Variants in SLC16A14 observed in about 807,000 individuals in gnomAD.
SLC16A14 encodes the protein solute carrier family 16 member 14.
SLC16A14 carries 14 observed loss-of-function variants against 35.8 expected under a neutral mutation model. That is an observed-to-expected ratio of 0.39 (90% CI 0.26 to 0.61). The LOEUF (loss-of-function observed/expected upper bound fraction) is 0.61, where lower values mean the gene tolerates loss of function less well. Ranked by LOEUF, SLC16A14 falls within the 20% of genes least tolerant of loss-of-function variation. The probability of loss-of-function intolerance (pLI) is 0.51; values close to 1 mark genes in which losing one functional copy is unlikely to be tolerated. For missense variants in SLC16A14, 533 were observed against 655.0 expected (o/e 0.81, Z 2.03); for synonymous variants, 248 against 258.9 (o/e 0.96, Z 0.40).
chr2:230,035,858 C>T lies in SLC16A14; in HGVS notation c.*1522G>A, dbSNP rs1389441137. 1 of 152,320 alleles carries T rather than the reference C, an allele frequency of 6.6e-6. No homozygotes were observed. Among genetic ancestry groups the T allele is most frequent in the African/African-American group, 2.4e-5 (1 of 41,434 alleles). The allele number at this position is 152,320 out of a possible 1,614,324, so 9.4% of individuals were successfully genotyped here. A position where few individuals can be genotyped will look rare whatever the true frequency, so the allele number is the denominator to read the frequency against. On this transcript the variant is annotated 3_prime_UTR_variant, in exon 5 of 5. Transcript: ENST00000295190. ...TAATGGAGATGGAACAAAAAGAGAACTTGTCCATTGAATCACTTGTTAACA... is the reference window on the plus strand; with the variant it reads ...TAATGGAGATGGAACAAAAAGAGAATTTGTCCATTGAATCACTTGTTAACA...
intron 1 of SLC16A14, among the ~76,000 whole-genome samples, chr2:230,063,506 C>A (rs2077767807): frequency 6.6e-6 from 1 of 152,050 alleles, no homozygotes; most frequent in African/African-American, 2.4e-5. Context: ...ACCCTGAAAA[C>A]ATCTTTACTA....
At chr2:230,056,316 G>A (rs1178735700) in intron 2 of SLC16A14, among the ~76,000 whole-genome samples, 1 of 144,334 alleles carries the variant, frequency 6.9e-6, no homozygotes, top group Non-Finnish European at 1.5e-5. Flanking sequence ...GTGCAGTGGC[G>A]CCATCTCGGC....
intron 2 of SLC16A14, chr2:230,058,335 A>G (rs1352054564): frequency 6.6e-6 from 1 of 152,124 alleles, no homozygotes; most frequent in Non-Finnish European, 1.5e-5. Context: ...AAAATGATCA[A>G]TTTTTAAAAT....
chr2:230,045,286 G>T (rs1577386328), intron 4 of SLC16A14, among the ~76,000 whole-genome samples: 4 of 152,330 alleles, frequency 2.6e-5, no homozygotes, highest in Middle Eastern at 3.4e-3. Flanking sequence ...GGCCAGGCGT[G>T]GTGGCTCATG....
intron 2 of SLC16A14, among the ~76,000 whole-genome samples, chr2:230,051,048 G>T (rs1385927387): frequency 6.6e-6 from 1 of 152,230 alleles, no homozygotes; most frequent in Non-Finnish European, 1.5e-5. Context: ...AGGCTATGGA[G>T]ATTCGGGAAT....
intron 2 of SLC16A14, among the ~76,000 whole-genome samples, chr2:230,052,520 A>G (rs980775149): frequency 2.0e-5 from 3 of 152,080 alleles, no homozygotes; most frequent in African/African-American, 7.2e-5. Flanking sequence ...TCAACAGATC[A>G]CAGTTCAGTA....
intron 4 of SLC16A14, among the ~76,000 whole-genome samples, chr2:230,040,548 T>TA (rs2077553209): frequency 6.6e-6 from 1 of 152,086 alleles, no homozygotes; most frequent in Non-Finnish European, 1.5e-5. Flanking sequence ...TTATTTTTTT[T>TA]TAAAAACTGT....
At position 230,046,755 on chromosome 2, in the gene SLC16A14, A is replaced by G; in HGVS notation, c.404-33T>C. The G allele has an allele frequency of 6.4e-7, 1 of 1,561,242 alleles. No individual in the cohort carries two copies. Among genetic ancestry groups the G allele is most frequent in the Non-Finnish European group, 8.6e-7 (1 of 1,159,428 alleles). On this transcript the variant is annotated intron_variant, in intron 3 of 4. Coordinates refer to ENST00000295190, the MANE Select transcript of SLC16A14 (RefSeq NM_152527.5). The surrounding 1 kb of genome is among the most constrained non-coding windows in gnomAD (Gnocchi z 5.0). Reference sequence around the variant, plus strand: ...GGCCGACGGGGGGAAGAAAAGACACAGTGCAACATCAGTGGCCATATCCAG... The same window carrying G: ...GGCCGACGGGGGGAAGAAAAGACACGGTGCAACATCAGTGGCCATATCCAG...
chr2:230,052,600 T>C (rs1410301526), intron 2 of SLC16A14, among the ~76,000 whole-genome samples: 1 of 142,906 alleles, frequency 7.0e-6, no homozygotes, highest in African/African-American at 2.6e-5. Context: ...TTATGAAACA[T>C]TACATTAAAA....
chr2:230,040,688 T>C (rs981112805), intron 4 of SLC16A14, among the ~76,000 whole-genome samples: 1 of 152,154 alleles, frequency 6.6e-6, no homozygotes, highest in African/African-American at 2.4e-5. Context: ...ATAGTGCAAA[T>C]TGTAGGAGTA....
chr2:230,044,156 A>G (rs563233849), intron 4 of SLC16A14, among the ~76,000 whole-genome samples: 21 of 152,224 alleles, frequency 1.4e-4, no homozygotes, highest in East Asian at 3.9e-4. Flanking sequence ...GGTGAGCCCA[A>G]TGTAATCATA....
chr2:230,063,637 C>A (rs1048774450), intron 1 of SLC16A14, among the ~76,000 whole-genome samples: 1 of 152,192 alleles, frequency 6.6e-6, no homozygotes, highest in Non-Finnish European at 1.5e-5. Flanking sequence ...GAGCCCTAGA[C>A]AGCTTTATTT....
intron 4 of SLC16A14, among the ~76,000 whole-genome samples, chr2:230,040,339 C>T (rs1416623960): frequency 1.2e-4 from 18 of 152,168 alleles, no homozygotes; most frequent in Admixed American, 1.1e-3. Flanking sequence ...CCTGCCTCAG[C>T]CTCCCGAGTA....
chr2:230,064,288 C>CTGTG (rs370970241), intron 1 of SLC16A14, among the ~76,000 whole-genome samples: 30,967 of 149,562 alleles, frequency 0.21, 3,370 homozygotes, highest in Non-Finnish European at 0.24. Flanking sequence ...TCAGCCTTGT[C>CTGTG]TGTGTGTGTG....
chr2:230,056,226 G>A (rs1210938806), intron 2 of SLC16A14, among the ~76,000 whole-genome samples: 1 of 151,262 alleles, frequency 6.6e-6, no homozygotes, highest in Non-Finnish European at 1.5e-5. Context: ...TCTATCATTA[G>A]GACTACCATT....
chr2:230,062,163 G>A (rs1330897577), intron 1 of SLC16A14, among the ~76,000 whole-genome samples: 1 of 145,600 alleles, frequency 6.9e-6, no homozygotes, highest in Non-Finnish European at 1.5e-5. Context: ...CATGGCAGAG[G>A]GTGATGTAAA....
chr2:230,061,420 T>G (rs10197896), intron 1 of SLC16A14, among the ~76,000 whole-genome samples: 72,696 of 152,068 alleles, frequency 0.48, 18,022 homozygotes, highest in African/African-American at 0.58. Context: ...ACACACATTA[T>G]TTGGGAGAGG....
rs1477301852 is a variant in SLC16A14, at chr2:230,037,416, T to G, written c.1497A>C (p.Gln499His). The change falls in exon 5 of 5, where the codon CAA becomes CAC. Residue 499 changes from glutamine (Q) to histidine (H), a missense_variant. Physicochemically the swap from Gln to His is conservative, Grantham distance 24 (BLOSUM62 0). Coordinates refer to ENST00000295190, the MANE Select transcript of SLC16A14 (RefSeq NM_152527.5). ...CACCATCCATGTATTTTCTTCTGGA[T>G]TGTTCTATAATTCGAATGCACGGCT... is the stretch of plus-strand genomic sequence containing the variant. ...LIQPCIRIIE[Q>H]SRRKYMDGAH... The G allele has an allele frequency of 1.9e-6, 3 of 1,612,142 alleles. No homozygotes were observed. The highest frequency in any genetic ancestry group is 2.5e-6 in the Non-Finnish European group (3 of 1,179,580).
At chr2:230,040,099 C>T (rs1200731502) in intron 4 of SLC16A14, among the ~76,000 whole-genome samples, 1 of 152,086 alleles carries the variant, frequency 6.6e-6, no homozygotes, top group East Asian at 1.9e-4. Flanking sequence ...AATACTGTCA[C>T]CCTCAGAGCA....
Sources: allele counts gnomAD v4.1 joint callset (sites outside exome capture counted in the v4.1 genomes callset), GRCh38; gene constraint gnomAD v4.1.1; non-coding constraint Gnocchi (gnomAD v3.1); transcripts MANE v1.5; gene names NCBI Gene and HGNC (gene_info 2026-07-23, HGNC 2026-07-21).